SLC28A1: variants seen among roughly 807,000 people sequenced by gnomAD.
SLC28A1 encodes sodium/nucleoside cotransporter 1.
Under a neutral mutation model 74.8 loss-of-function variants are expected in SLC28A1, and 64 were observed. That is an observed-to-expected ratio of 0.86 (90% CI 0.70 to 1.05). The LOEUF (loss-of-function observed/expected upper bound fraction) is 1.05. Ranked by LOEUF, SLC28A1 falls within the 50% of genes least tolerant of loss-of-function variation. The probability of loss-of-function intolerance (pLI) is 0.00; values close to 1 mark genes in which losing one functional copy is unlikely to be tolerated. For missense variants in SLC28A1, 828 were observed against 822.8 expected (o/e 1.01, Z -0.08); for synonymous variants, 359 against 335.0 (o/e 1.07, Z -0.78).
chr15:84,893,622 C>G (rs1279519548), intron 5 of SLC28A1, among the ~76,000 whole-genome samples: 1 of 152,188 alleles, frequency 6.6e-6, no homozygotes, highest in African/African-American at 2.4e-5. Flanking sequence ...CTGTCCACTT[C>G]TCCAGCTGGT....
the SLC28A1 span, among the ~76,000 whole-genome samples, chr15:84,963,446 A>C: frequency 6.6e-6 from 1 of 152,146 alleles, no homozygotes; most frequent in African/African-American, 2.4e-5. Flanking sequence ...GGGGTGGGGA[A>C]GCAGGAGTCC....
chr15:84,925,260 T>G (rs1970375841), intron 12 of SLC28A1, among the ~76,000 whole-genome samples: 1 of 151,832 alleles, frequency 6.6e-6, no homozygotes. Flanking sequence ...ATTCTGAAAG[T>G]GGGGTCCATG....
intron 5 of SLC28A1, among the ~76,000 whole-genome samples, chr15:84,893,999 G>A (rs559483438): frequency 3.3e-5 from 5 of 152,244 alleles, no homozygotes; most frequent in African/African-American, 4.8e-5. Flanking sequence ...ACCTTTATTC[G>A]TGATGTTTCA....
chr15:84,936,235 G>A (rs1194821728), intron 15 of SLC28A1, among the ~76,000 whole-genome samples: 5 of 141,210 alleles, frequency 3.5e-5, no homozygotes, highest in East Asian at 4.1e-4. Context: ...GAGCCACTGC[G>A]CCCGGCTGTT....
chr15:84,902,746 T>C (rs79267216), intron 6 of SLC28A1, among the ~76,000 whole-genome samples: 2 of 152,014 alleles, frequency 1.3e-5, no homozygotes, highest in East Asian at 3.9e-4. Flanking sequence ...TTTTTTTTTT[T>C]TGAGATGGCG....
In SLC28A1 at chr15:84,906,655, T is replaced by C. The variant is rs71397830; in HGVS notation, c.717+1003T>C. Reference sequence around the variant, plus strand: ...CTTCCTTTCTTCCTTCCTTCCTTTCTTTTTTTTTTTTAGGTACAGGGTCTC... The same window carrying C: ...CTTCCTTTCTTCCTTCCTTCCTTTCCTTTTTTTTTTTAGGTACAGGGTCTC... On this transcript the variant is annotated intron_variant, in intron 8 of 18. Coordinates refer to ENST00000394573, the MANE Select transcript of SLC28A1 (RefSeq NM_004213.5). 5.1e-3 allele frequency among the ~76,000 whole-genome samples: 717 copies of C among 140,826 alleles called. 5 individuals are homozygous for C. Among genetic ancestry groups the C allele is most frequent in the Non-Finnish European group, 8.0e-3 (519 of 64,536 alleles). The allele number at this position is 140,826 out of a possible 152,430, so 92.4% of individuals were successfully genotyped here. A position where few individuals can be genotyped will look rare whatever the true frequency, so the allele number is the denominator to read the frequency against.
the SLC28A1 span, among the ~76,000 whole-genome samples, chr15:84,974,043 T>C: frequency 6.6e-4 from 100 of 152,254 alleles, no homozygotes; most frequent in African/African-American, 2.1e-3. Context: ...GAGTGAATGA[T>C]TCAGGCCAGC....
chr15:84,953,605 C>G, the SLC28A1 span, among the ~76,000 whole-genome samples: 1 of 152,172 alleles, frequency 6.6e-6, no homozygotes, highest in South Asian at 2.1e-4. Context: ...TGACAAGCAC[C>G]TGCAGTCCTA....
chr15:84,944,140 G>C (rs1973037338), intron 16 of SLC28A1, among the ~76,000 whole-genome samples: 1 of 152,166 alleles, frequency 6.6e-6, no homozygotes, highest in East Asian at 1.9e-4. Context: ...CGAAGGGTCT[G>C]CACAGTTCTC....
chr15:84,969,889 C>T, the SLC28A1 span, among the ~76,000 whole-genome samples: 2 of 152,074 alleles, frequency 1.3e-5, no homozygotes, highest in Non-Finnish European at 2.9e-5. Flanking sequence ...TCTTTGAAAA[C>T]AGAAGAAGTT....
chr15:84,897,507 G>T (rs1405461688), intron 6 of SLC28A1, among the ~76,000 whole-genome samples: 1 of 152,178 alleles, frequency 6.6e-6, no homozygotes, highest in African/African-American at 2.4e-5. Flanking sequence ...AAAAAATTTT[G>T]CACCAGCCTA....
At position 84,917,034 on chromosome 15, in the gene SLC28A1, A is replaced by T. The variant is rs1740332798; in HGVS notation, c.796-1490A>T. Among the ~76,000 whole-genome samples the T allele has an allele frequency of 1.4e-5, 2 of 144,132 alleles. 1 individual carries two copies. The highest frequency in any genetic ancestry group is 5.0e-5 in the African/African-American group (2 of 39,624). The allele number at this position is 144,132 out of a possible 152,430, so 94.6% of individuals were successfully genotyped here. On this transcript the variant is annotated intron_variant, in intron 9 of 18. Transcript: ENST00000394573. ...CAGAGTGAGATTCTGTCTCAAAAAA[A>T]AAAAAATAAATAAAAAAGGTAGGAA... is the stretch of plus-strand genomic sequence containing the variant.
At chr15:84,950,350 G>A (rs1016113283), downstream of SLC28A1, among the ~76,000 whole-genome samples, 9 of 121,784 alleles carry the variant, frequency 7.4e-5, no homozygotes, top group South Asian at 3.3e-4. Flanking sequence ...TCCTCCAGTC[G>A]CCAGTCTCCT....
At chr15:84,885,393 A>G (rs980911006) in intron 1 of SLC28A1, among the ~76,000 whole-genome samples, 1 of 151,686 alleles carries the variant, frequency 6.6e-6, no homozygotes, top group African/African-American at 2.4e-5. Flanking sequence ...GTGATCCCCT[A>G]TTGGAAAATG....
At chr15:84,969,673 T>C in the SLC28A1 span, among the ~76,000 whole-genome samples, 1 of 152,206 alleles carries the variant, frequency 6.6e-6, no homozygotes, top group East Asian at 1.9e-4. Context: ...TGTAATCTTT[T>C]GTATCTGTGA....
chr15:84,889,894 G>A (rs1965161736), intron 4 of SLC28A1, among the ~76,000 whole-genome samples: 1 of 142,276 alleles, frequency 7.0e-6, no homozygotes, highest in Non-Finnish European at 1.5e-5. Flanking sequence ...TCACTCTGTT[G>A]CCTGGGCTGG....
At chr15:84,898,155 G>A (rs935586319) in intron 6 of SLC28A1, among the ~76,000 whole-genome samples, 1 of 150,424 alleles carries the variant, frequency 6.6e-6, no homozygotes, top group Non-Finnish European at 1.5e-5. Context: ...TATATACCCA[G>A]TAGTGGAATT....
chr15:84,957,728 A>G, the SLC28A1 span, among the ~76,000 whole-genome samples: 1 of 152,162 alleles, frequency 6.6e-6, no homozygotes, highest in African/African-American at 2.4e-5. Context: ...GCTTTGTAGG[A>G]AGGTTTGGAA....
At chr15:84,894,252 A>G (rs1965688969) in intron 5 of SLC28A1, among the ~76,000 whole-genome samples, 1 of 151,908 alleles carries the variant, frequency 6.6e-6, no homozygotes, top group South Asian at 2.1e-4. Context: ...GGCAACTGTA[A>G]TCCCAGCTAC....
Sources: allele counts gnomAD v4.1 joint callset (sites outside exome capture counted in the v4.1 genomes callset), GRCh38; gene constraint gnomAD v4.1.1; transcripts MANE v1.5; gene names NCBI Gene and HGNC (gene_info 2026-07-23, HGNC 2026-07-21).